The following MAP3K4 variants were observed in gnomAD, a reference collection of about 807,000 sequenced individuals.
MAP3K4 encodes MAP three kinase 1.
In MAP3K4, 67 loss-of-function variants were observed where a neutral mutation model predicts 185.6. The observed-to-expected ratio is 0.36, with a 90% CI of 0.30 to 0.44. The LOEUF is 0.44. Among genes scored for constraint, MAP3K4 ranks in the 20% least tolerant of loss-of-function variants. The pLI, the probability that MAP3K4 is intolerant of heterozygous loss-of-function variation, is 1.00. For synonymous variants in MAP3K4, 702 were observed against 710.4 expected (o/e 0.99, Z 0.19); for missense variants, 1,551 against 1,995.1 (o/e 0.78, Z 4.24).
rs186921641 is a variant in MAP3K4, at chr6:161,093,417, A to G, written c.3349-356A>G. Among the ~76,000 whole-genome samples, 1 of 152,216 alleles carries G rather than the reference A, an allele frequency of 6.6e-6. No individual in the cohort carries two copies. The highest frequency in any genetic ancestry group is 2.4e-5 in the African/African-American group (1 of 41,452). ...GAGCATCATGCTCGTGTTAAATATT[A>G]TCACTGTTAGTCTGATAAGTGTCAT... is the stretch of plus-strand genomic sequence containing the variant. On this transcript the variant is annotated intron_variant, in intron 14 of 26. Coordinates refer to ENST00000392142, the MANE Select transcript of MAP3K4 (RefSeq NM_005922.4). This position sits in a 1 kb window ranked among gnomAD's most constrained non-coding sequence, Gnocchi z 5.2.
In MAP3K4 at chr6:161,110,577, A is replaced by G. The variant is rs1778302453; in HGVS notation, c.4396+663A>G. On this transcript the variant is annotated intron_variant, in intron 23 of 26. Coordinates refer to ENST00000392142, the MANE Select transcript of MAP3K4 (RefSeq NM_005922.4). This position sits in a 1 kb window ranked among gnomAD's most constrained non-coding sequence, Gnocchi z 4.8. ...AGTATTTTTGTGCCTATTTGGCCCT[A>G]GGCTGAAGAGTTTCATTCTGTCCTG... Among the ~76,000 whole-genome samples the G allele has an allele frequency of 1.3e-5, 2 of 152,212 alleles. No individual in the cohort carries two copies. Among genetic ancestry groups the G allele is most frequent in the Admixed American group, 1.3e-4 (2 of 15,292 alleles).
At chr6:161,039,137 C>T (rs1204505825) in intron 2 of MAP3K4, among the ~76,000 whole-genome samples, 1 of 152,124 alleles carries the variant, frequency 6.6e-6, no homozygotes, top group Non-Finnish European at 1.5e-5. Flanking sequence ...GAGGCGACTG[C>T]TCAAGGCAGC....
In MAP3K4 at chr6:161,098,420, G is replaced by C. The variant is rs1777675263; in HGVS notation, c.3667G>C (p.Asp1223His). 5 of 1,613,070 alleles carry C rather than the reference G, an allele frequency of 3.1e-6. No homozygotes were observed. In the African/African-American group the frequency reaches 6.7e-5, roughly 22 times the overall value. ...GCCCAAATCCATCAGCAGTGCCCAT[G>C]ATACCAGGTAGTCTCACCCCACCAG... ...VLPKSISSAH[D>H]TRGSSVPEND... The change falls in exon 17 of 27, where the codon GAT (aspartate) becomes CAT (histidine). Residue 1223 changes from aspartate to histidine, a missense_variant. By Grantham distance (81) the Asp-to-His change is moderately conservative. Coordinates refer to ENST00000392142, the MANE Select transcript of MAP3K4 (RefSeq NM_005922.4). The surrounding 1 kb of genome is among the most constrained non-coding windows in gnomAD (Gnocchi z 4.4).
chr6:161,003,575 T>C (rs535156391), intron 1 of MAP3K4, among the ~76,000 whole-genome samples: 133 of 152,278 alleles, frequency 8.7e-4, no homozygotes, highest in African/African-American at 3.1e-3. Flanking sequence ...GTCCTTTTCC[T>C]TGGGTCCCAA....
chr6:161,064,333 A>G lies in MAP3K4; in HGVS notation c.1708-6275A>G, dbSNP rs532518262. Among the ~76,000 whole-genome samples, 10 of 152,260 alleles carry G rather than the reference A, an allele frequency of 6.6e-5. No homozygotes were observed. Among genetic ancestry groups the G allele is most frequent in the Non-Finnish European group, 1.3e-4 (9 of 68,044 alleles). On this transcript the variant is annotated intron_variant, in intron 3 of 26. Coordinates refer to ENST00000392142, the MANE Select transcript of MAP3K4 (RefSeq NM_005922.4). The surrounding 1 kb of genome is among the most constrained non-coding windows in gnomAD (Gnocchi z 4.3). ...ATTTCTAAAACAGCTGCATAATTTT[A>G]GAAATGAATACTTGTGATACTGTGA...
In MAP3K4 at chr6:161,034,340, G is replaced by T; in HGVS notation, c.234G>T (p.Glu78Asp). Reference protein sequence around the residue: ...LEDFSDETNTENLYGTSPPST... With the variant: ...LEDFSDETNTDNLYGTSPPST... ...ACTTCTCCGATGAAACAAATACAGA[G>T]AATCTTTATGGTACCTCTCCCCCCA... Residue 78 changes from glutamate (E) to aspartate (D), a missense_variant, in exon 2 of 27, where the codon GAG (glutamate) becomes GAT (aspartate). By Grantham distance (45) the Glu-to-Asp change is conservative (BLOSUM62 2). Around this residue, in one of 16 missense-constraint regions of MAP3K4, gnomAD observed 287 missense variants for 268.8 expected, o/e 1.07. Transcript: ENST00000392142. This position sits in a 1 kb window ranked among gnomAD's most constrained non-coding sequence, Gnocchi z 4.4. The T allele has an allele frequency of 1.2e-6, 2 of 1,613,864 alleles. No homozygotes were observed. The highest frequency in any genetic ancestry group is 1.7e-6 in the Non-Finnish European group (2 of 1,179,846).
rs770004498 is a variant in MAP3K4 at position 161,098,096 on chromosome 6, A to T, written c.3525-182A>T. Reference sequence around the variant, plus strand: ...GGTGCGATGCTGTCTCAAAAAAAAGAAAAGCTTTGAAGTTAGGTTTTTTCT... The same window carrying T: ...GGTGCGATGCTGTCTCAAAAAAAAGTAAAGCTTTGAAGTTAGGTTTTTTCT... On this transcript the variant is annotated intron_variant, in intron 16 of 26. Coordinates refer to ENST00000392142, the MANE Select transcript of MAP3K4 (RefSeq NM_005922.4). This position sits in a 1 kb window ranked among gnomAD's most constrained non-coding sequence, Gnocchi z 4.4. 1.4e-6 allele frequency: 1 copy of T among 708,274 alleles called. No individual in the cohort carries two copies. Among genetic ancestry groups the T allele is most frequent in the Non-Finnish European group, 2.3e-6 (1 of 436,740 alleles). 43.9% of individuals were successfully genotyped at this position (708,274 alleles called of 1,614,324 possible).
At chr6:160,999,635 C>A (rs1445236206) in intron 1 of MAP3K4, among the ~76,000 whole-genome samples, 1 of 152,154 alleles carries the variant, frequency 6.6e-6, no homozygotes, top group Non-Finnish European at 1.5e-5. Context: ...CTGCAGCTTT[C>A]CCAGCTGACA....
intron 1 of MAP3K4, among the ~76,000 whole-genome samples, chr6:160,992,598 A>G (rs1780783582): frequency 1.3e-5 from 2 of 152,150 alleles, no homozygotes; most frequent in South Asian, 2.1e-4. Context: ...GAGAAATTGC[A>G]CTTAGACTAT....
intron 1 of MAP3K4, among the ~76,000 whole-genome samples, chr6:161,033,963 A>G (rs1783042896): frequency 6.6e-6 from 1 of 152,110 alleles, no homozygotes; most frequent in Non-Finnish European, 1.5e-5. Flanking sequence ...TTAGTTCTAT[A>G]TTTCATTTGT....
intron 1 of MAP3K4, among the ~76,000 whole-genome samples, chr6:161,026,892 A>G (rs1461636605): frequency 6.6e-6 from 1 of 152,084 alleles, no homozygotes; most frequent in Non-Finnish European, 1.5e-5. Flanking sequence ...AATTATAAAC[A>G]GCTTATAATT....
intron 1 of MAP3K4, among the ~76,000 whole-genome samples, chr6:161,016,112 A>G (rs1332975541): frequency 6.6e-6 from 1 of 152,056 alleles, no homozygotes; most frequent in African/African-American, 2.4e-5. Context: ...TATAGTTTTG[A>G]TTTGCATTTT....
chr6:161,069,131 A>G (rs978824540), intron 3 of MAP3K4, among the ~76,000 whole-genome samples: 5 of 152,176 alleles, frequency 3.3e-5, no homozygotes, highest in Non-Finnish European at 7.3e-5. Context: ...TGATGGCTCT[A>G]TTTTTAAAAT....
chr6:161,040,420 CAAA>C (rs1047311074), intron 2 of MAP3K4, among the ~76,000 whole-genome samples: 3 of 152,124 alleles, frequency 2.0e-5, no homozygotes, highest in African/African-American at 7.2e-5. Context: ...CGTGAGGAAT[CAAA>C]GAAAGTTATC....
rs555869741 is a variant in MAP3K4 at position 161,054,523 on chromosome 6, T to TA, written c.1707+4553dup. On this transcript the variant is annotated intron_variant, in intron 3 of 26. Transcript: ENST00000392142. The surrounding 1 kb of genome is among the most constrained non-coding windows in gnomAD (Gnocchi z 4.2). ...TTTAAAAGAACTGAACTAGCAATAC[T>TA]AAAAAAAAATCTGTTTGCAGTTTGT... 8.1e-3 allele frequency among the ~76,000 whole-genome samples: 1,226 copies of TA among 151,754 alleles called. 14 individuals carry two copies. The highest frequency in any genetic ancestry group is 0.027 in the African/African-American group (1,135 of 41,402).
At chr6:161,095,120 C>T (rs1025726029) in intron 15 of MAP3K4, among the ~76,000 whole-genome samples, 7 of 152,138 alleles carry the variant, frequency 4.6e-5, no homozygotes, top group African/African-American at 1.4e-4. Context: ...AATATGCCTG[C>T]CACTCCAAAC....
chr6:161,114,768 A>C lies in MAP3K4; in HGVS notation c.4627-355A>C, dbSNP rs1349226127. On this transcript the variant is annotated intron_variant, in intron 25 of 26. Coordinates refer to ENST00000392142, the MANE Select transcript of MAP3K4 (RefSeq NM_005922.4). This position sits in a 1 kb window ranked among gnomAD's most constrained non-coding sequence, Gnocchi z 4.3. The stretch of plus-strand genomic sequence containing the variant: ...TTTATAGACTTTTTTATGTCATTTT[A>C]TATATTTTTTAGTTGCATGATGATG... 6.6e-6 allele frequency among the ~76,000 whole-genome samples: 1 copy of C among 152,102 alleles called. No individual in the cohort carries two copies. Among genetic ancestry groups the C allele is most frequent in the African/African-American group, 2.4e-5 (1 of 41,412 alleles).
chr6:161,005,788 T>A (rs1032419669), intron 1 of MAP3K4, among the ~76,000 whole-genome samples: 7 of 152,070 alleles, frequency 4.6e-5, no homozygotes, highest in Admixed American at 2.6e-4. Flanking sequence ...CATAGCTGTT[T>A]TTTTATTTTT....
intron 1 of MAP3K4, among the ~76,000 whole-genome samples, chr6:161,031,739 C>A (rs1378589604): frequency 2.0e-5 from 3 of 152,110 alleles, no homozygotes; most frequent in Non-Finnish European, 4.4e-5. Flanking sequence ...TTAAAAACAC[C>A]TTTACAACTG....
Sources: gnomAD v4.1 joint callset for allele counts (sites outside exome capture counted in the v4.1 genomes callset) on GRCh38, gnomAD v4.1.1 for gene constraint, gnomAD v4.1.1 regional missense constraint, Gnocchi (gnomAD v3.1) non-coding constraint, MANE v1.5 for transcripts, NCBI Gene and HGNC (gene_info 2026-07-23, HGNC 2026-07-21) for gene names.